Variants in BMPR2 observed in about 807,000 individuals in gnomAD.
The protein encoded by BMPR2 is bone morphogenetic protein receptor type 2.
Under a neutral mutation model 100.8 loss-of-function variants are expected in BMPR2, and 29 were observed. The observed-to-expected ratio is 0.29, with a 90% CI of 0.21 to 0.39. The LOEUF (loss-of-function observed/expected upper bound fraction) is 0.39. Ranked by LOEUF, BMPR2 falls within the 10% of genes least tolerant of loss-of-function variation. The pLI is 1.00. For synonymous variants in BMPR2, 382 were observed against 442.3 expected, an observed-to-expected ratio of 0.86 and a Z score of 1.71; for missense variants, 1,011 against 1,274.5, an observed-to-expected ratio of 0.79 and a Z score of 3.15.
chr2:202,467,453 T>C, intron 2 of BMPR2, 66 bp from the exon 3 acceptor site: 2 of 1,366,166 alleles, frequency 1.5e-6, no homozygotes, highest in South Asian at 2.3e-5. Flanking sequence ...ACTGCTTAGT[T>C]TGTTGTTTTT....
At chr2:202,446,054 A>G (rs1277867416) in intron 1 of BMPR2, among the ~76,000 whole-genome samples, 1 of 150,494 alleles carries the variant, frequency 6.6e-6, no homozygotes, top group Non-Finnish European at 1.5e-5. Flanking sequence ...GATTACAGGC[A>G]TAAGTCACTG....
rs1379851716 is a variant in BMPR2, at chr2:202,503,943, C to G, written c.419-9776C>G. Among the ~76,000 whole-genome samples the G allele has an allele frequency of 2.0e-5, 3 of 152,190 alleles. No homozygotes were observed. The highest frequency in any genetic ancestry group is 7.2e-5 in the African/African-American group (3 of 41,452). On this transcript the variant is annotated intron_variant, in intron 3 of 12. Transcript: ENST00000374580. The surrounding 1 kb of genome is among the most constrained non-coding windows in gnomAD (Gnocchi z 4.0). ...GTTTGTAAATACACCAATCAGCACC[C>G]TGTGTCTAGCTCAGGGTTTGTGAAT...
At chr2:202,535,904 G>A (rs1315748361) in intron 9 of BMPR2, among the ~76,000 whole-genome samples, 3 of 152,216 alleles carry the variant, frequency 2.0e-5, no homozygotes, top group Admixed American at 1.3e-4. Flanking sequence ...CCAACACAGC[G>A]AAACCCCGTC....
intron 3 of BMPR2, among the ~76,000 whole-genome samples, chr2:202,487,941 C>G (rs1574473806): frequency 1.3e-5 from 2 of 152,266 alleles, no homozygotes; most frequent in Non-Finnish European, 2.9e-5. Flanking sequence ...AACTTTTGAC[C>G]TCAGGTGATT....
chr2:202,418,875 A>T (rs976961748), intron 1 of BMPR2, among the ~76,000 whole-genome samples: 1 of 152,200 alleles, frequency 6.6e-6, no homozygotes, highest in Non-Finnish European at 1.5e-5. Context: ...AGGGAAGGGG[A>T]TTCTCTGCAG....
intron 1 of BMPR2, among the ~76,000 whole-genome samples, chr2:202,441,578 C>T (rs746224018): frequency 6.1e-5 from 9 of 147,626 alleles, no homozygotes; most frequent in South Asian, 2.1e-4. Context: ...ATTAGCCGGG[C>T]GTGGTGGCGG....
At chr2:202,500,395 G>A (rs991733596) in intron 3 of BMPR2, among the ~76,000 whole-genome samples, 1 of 152,156 alleles carries the variant, frequency 6.6e-6, no homozygotes, top group African/African-American at 2.4e-5. Flanking sequence ...TATTAGCCAA[G>A]GCTGGAGCTA....
At chr2:202,463,861 CAGAA>C (rs1021333244) in intron 1 of BMPR2, among the ~76,000 whole-genome samples, 100 of 152,178 alleles carry the variant, frequency 6.6e-4, no homozygotes, top group Non-Finnish European at 5.9e-5. Context: ...ATTTGAATAA[CAGAA>C]AGTAATTTTT....
At chr2:202,455,140 A>G (rs906958037) in intron 1 of BMPR2, among the ~76,000 whole-genome samples, 2 of 152,240 alleles carry the variant, frequency 1.3e-5, no homozygotes, top group African/African-American at 2.4e-5. Flanking sequence ...GGGGGACACA[A>G]TTTTAAGTCT....
rs916922165 is a variant in BMPR2 at position 202,436,446 on chromosome 2, A to G, written c.77-28363A>G. ...GATGGATAGAGTGAGACCCTGTCTC[A>G]AGAAAAAAAAACAACAACAGCAGCA... On this transcript the variant is annotated intron_variant, in intron 1 of 12. Transcript: ENST00000374580. Among the ~76,000 whole-genome samples the G allele has an allele frequency of 1.3e-4, 19 of 150,608 alleles. 1 individual carries two copies. Among genetic ancestry groups the G allele is most frequent in the African/African-American group, 4.8e-4 (19 of 39,974 alleles).
intron 3 of BMPR2, among the ~76,000 whole-genome samples, chr2:202,483,202 T>C (rs1247104024): frequency 6.6e-6 from 1 of 152,074 alleles, no homozygotes; most frequent in Non-Finnish European, 1.5e-5. Context: ...TTTAATTGGG[T>C]CATTTGTTTT....
intron 3 of BMPR2, among the ~76,000 whole-genome samples, chr2:202,480,344 G>T (rs1242585289): frequency 2.0e-5 from 3 of 151,988 alleles, no homozygotes; most frequent in African/African-American, 7.2e-5. Context: ...GGGCAGGCTG[G>T]TCTCAAACTC....
At chr2:202,559,671 C>A (rs1470759916) in intron 12 of BMPR2, 25 bp from the exon 13 acceptor site, 1 of 1,612,548 alleles carries the variant, frequency 6.2e-7, no homozygotes, top group Non-Finnish European at 8.5e-7. Context: ...TTAAATAGCT[C>A]ATTTTTCTGC....
intron 1 of BMPR2, among the ~76,000 whole-genome samples, chr2:202,425,698 G>A (rs975185768): frequency 3.3e-5 from 5 of 151,976 alleles, no homozygotes; most frequent in African/African-American, 1.2e-4. Flanking sequence ...TGAAACATCT[G>A]AAAAAATAAA....
chr2:202,401,806 T>A (rs1420090312), intron 1 of BMPR2, among the ~76,000 whole-genome samples: 1 of 152,258 alleles, frequency 6.6e-6, no homozygotes, highest in Non-Finnish European at 1.5e-5. Flanking sequence ...ACCCAGCTTC[T>A]TAACAAAGAT....
chr2:202,395,033 G>A (rs78099697), intron 1 of BMPR2, among the ~76,000 whole-genome samples: 27 of 148,524 alleles, frequency 1.8e-4, no homozygotes, highest in Non-Finnish European at 3.8e-4. Context: ...ACAGGTGCCC[G>A]CCACCACGCC....
chr2:202,434,466 C>T (rs997125366), intron 1 of BMPR2, among the ~76,000 whole-genome samples: 2 of 150,284 alleles, frequency 1.3e-5, no homozygotes, highest in Admixed American at 6.6e-5. Context: ...AGCAGAAAAA[C>T]ACTAGGGAGA....
intron 6 of BMPR2, 73 bp downstream of exon 6, chr2:202,519,125 G>C: frequency 6.8e-7 from 1 of 1,478,216 alleles, no homozygotes; most frequent in Non-Finnish European, 9.5e-7. Flanking sequence ...ACTTTTGGAG[G>C]CTAAGGCAGG....
intron 7 of BMPR2, among the ~76,000 whole-genome samples, chr2:202,530,282 T>A (rs1435211081): frequency 6.6e-6 from 1 of 152,114 alleles, no homozygotes; most frequent in Non-Finnish European, 1.5e-5. Flanking sequence ...CTATTTGTGG[T>A]TAGATTTGAA....
Sources: gnomAD v4.1 joint callset for allele counts (sites outside exome capture counted in the v4.1 genomes callset) on GRCh38, gnomAD v4.1.1 for gene constraint, Gnocchi (gnomAD v3.1) non-coding constraint, MANE v1.5 for transcripts, NCBI Gene and HGNC (gene_info 2026-07-23, HGNC 2026-07-21) for gene names.